The following VAV3 variants were observed in gnomAD, a reference collection of about 807,000 sequenced individuals.
The protein encoded by VAV3 is guanine nucleotide exchange factor VAV3.
VAV3 carries 94 observed loss-of-function variants against 131.2 expected under a neutral mutation model. The ratio of observed to expected loss-of-function variants is 0.72; its 90% CI spans 0.61 to 0.85. VAV3 has a LOEUF of 0.85. Ranked by LOEUF, VAV3 falls within the 40% of genes least tolerant of loss-of-function variation. The pLI is 0.00. For synonymous variants in VAV3, 349 were observed against 342.0 expected (o/e 1.02, Z -0.22); for missense variants, 939 against 1,002.7 (o/e 0.94, Z 0.86).
intron 21 of VAV3, among the ~76,000 whole-genome samples, chr1:107,610,440 A>G (rs1652642101): frequency 1.3e-5 from 2 of 152,090 alleles, no homozygotes; most frequent in African/African-American, 2.4e-5. Flanking sequence ...AGAAAATTAA[A>G]GTGAAAACAT....
intron 2 of VAV3, among the ~76,000 whole-genome samples, chr1:107,799,228 T>G (rs1409109768): frequency 1.3e-5 from 2 of 152,050 alleles, no homozygotes; most frequent in African/African-American, 4.8e-5. Context: ...TGGCATATAC[T>G]GAAAACTCAA....
chr1:107,937,477 T>C lies in VAV3; in HGVS notation c.204+27189A>G, dbSNP rs1011057340. The stretch of plus-strand genomic sequence containing the variant: ...CATGGTTTCTGGAGGACAAGAACCA[T>C]GTAATTCTTAAACTTACACCATTGG... On this transcript the variant is annotated intron_variant, in intron 1 of 26. Transcript: ENST00000370056. 6.6e-5 allele frequency among the ~76,000 whole-genome samples: 10 copies of C among 152,240 alleles called. 1 individual carries two copies. In the South Asian group the frequency reaches 1.2e-3, roughly 19 times the overall value.
intron 20 of VAV3, among the ~76,000 whole-genome samples, chr1:107,621,638 C>A (rs1361837693): frequency 2.6e-5 from 4 of 152,058 alleles, no homozygotes; most frequent in Admixed American, 2.6e-4. Flanking sequence ...GAATTTCCTT[C>A]TTCTTTACAT....
chr1:107,766,500 A>G lies in VAV3; in HGVS notation c.768T>C (p.Ile256=). 2 of 1,613,598 alleles carry G rather than the reference A, an allele frequency of 1.2e-6. No homozygotes were observed. The highest frequency in any genetic ancestry group is 1.7e-6 in the Non-Finnish European group (2 of 1,179,770). Residue 256 remains isoleucine, a synonymous_variant, in exon 8 of 27, where the codon ATT becomes ATC. Transcript: ENST00000370056. ...ACAAGTTCTGGTCATTTTTATTTAC[A>G]ATGGAATCATGAATCTCTTGCATTA... ...RNLMQEIHDS[I]VNKNDQNLYQ... is the part of the protein sequence containing the mutation.
At chr1:107,863,655 T>C (rs1669849736) in intron 2 of VAV3, among the ~76,000 whole-genome samples, 1 of 152,188 alleles carries the variant, frequency 6.6e-6, no homozygotes, top group African/African-American at 2.4e-5. Flanking sequence ...TAAATAACTT[T>C]CCCTCTACTT....
At chr1:107,920,436 C>T (rs1460516202) in intron 1 of VAV3, among the ~76,000 whole-genome samples, 2 of 152,178 alleles carry the variant, frequency 1.3e-5, no homozygotes, top group Non-Finnish European at 2.9e-5. Context: ...CAAACAAAAA[C>T]TTACGGGTGG....
At chr1:107,917,077 T>C (rs1285785163) in intron 1 of VAV3, among the ~76,000 whole-genome samples, 3 of 152,082 alleles carry the variant, frequency 2.0e-5, no homozygotes, top group Admixed American at 2.0e-4. Context: ...ACAGGCCTGA[T>C]CAAGCTGGGT....
intron 1 of VAV3, among the ~76,000 whole-genome samples, chr1:107,920,872 G>A (rs559175851): frequency 3.3e-5 from 5 of 152,234 alleles, no homozygotes; most frequent in Admixed American, 6.5e-5. Flanking sequence ...TAAGCTAGCT[G>A]AGAACAGACA....
intron 22 of VAV3, among the ~76,000 whole-genome samples, chr1:107,604,020 C>T (rs1166846092): frequency 6.9e-6 from 1 of 145,790 alleles, no homozygotes; most frequent in Non-Finnish European, 1.5e-5. Context: ...ACAGAAACTC[C>T]ATAATAACTG....
intron 22 of VAV3, among the ~76,000 whole-genome samples, chr1:107,608,054 A>T (rs1217668253): frequency 7.4e-6 from 1 of 134,950 alleles, no homozygotes; most frequent in Non-Finnish European, 1.7e-5. Flanking sequence ...GCTCAAGAAA[A>T]AAAGAAAAGT....
intron 2 of VAV3, among the ~76,000 whole-genome samples, chr1:107,781,639 T>G (rs1030150331): frequency 1.3e-5 from 2 of 152,282 alleles, no homozygotes; most frequent in African/African-American, 2.4e-5. Flanking sequence ...GGTGACTAGA[T>G]GAGCTAATTT....
At chr1:107,852,005 T>C (rs909314716) in intron 2 of VAV3, among the ~76,000 whole-genome samples, 2 of 152,114 alleles carry the variant, frequency 1.3e-5, no homozygotes, top group Non-Finnish European at 2.9e-5. Context: ...GTAATCCTCA[T>C]TGAGGCAGAA....
intron 1 of VAV3, among the ~76,000 whole-genome samples, chr1:107,950,632 C>T (rs781477933): frequency 2.0e-5 from 3 of 152,158 alleles, no homozygotes; most frequent in Admixed American, 6.5e-5. Context: ...CTGCTGCTCA[C>T]GGGCAAGGGC....
chr1:107,736,167 C>T (rs1390070761), intron 15 of VAV3, among the ~76,000 whole-genome samples: 3 of 152,146 alleles, frequency 2.0e-5, no homozygotes, highest in Admixed American at 2.0e-4. Context: ...GTCCTTCATA[C>T]TGAAAACTCT....
intron 22 of VAV3, among the ~76,000 whole-genome samples, chr1:107,604,235 G>A (rs970948661): frequency 1.3e-5 from 2 of 151,976 alleles, no homozygotes; most frequent in Non-Finnish European, 2.9e-5. Flanking sequence ...ATAGACCCAC[G>A]TAACTTTGTA....
chr1:107,656,769 C>T (rs1242403151), intron 19 of VAV3, among the ~76,000 whole-genome samples: 4 of 151,932 alleles, frequency 2.6e-5, no homozygotes, highest in Non-Finnish European at 5.9e-5. Flanking sequence ...GGAAATTATC[C>T]TAGCTCTCTG....
At chr1:107,866,066 C>A (rs1477038895) in intron 2 of VAV3, among the ~76,000 whole-genome samples, 1 of 152,052 alleles carries the variant, frequency 6.6e-6, no homozygotes, top group African/African-American at 2.4e-5. Context: ...TGCAGGCAAC[C>A]CACCCTAAAG....
chr1:107,928,107 C>A (rs1557929661), intron 1 of VAV3, among the ~76,000 whole-genome samples: 1 of 152,184 alleles, frequency 6.6e-6, no homozygotes, highest in Non-Finnish European at 1.5e-5. Context: ...GGGAAGAGAA[C>A]AAAAGCCTCA....
At chr1:107,690,590 T>C (rs1659363737) in intron 17 of VAV3, among the ~76,000 whole-genome samples, 1 of 152,166 alleles carries the variant, frequency 6.6e-6, no homozygotes. Context: ...CCCTCCTTTA[T>C]TTCCTCCCTT....
Sources: gnomAD v4.1 joint callset for allele counts (sites outside exome capture counted in the v4.1 genomes callset) on GRCh38, gnomAD v4.1.1 for gene constraint, MANE v1.5 for transcripts, NCBI Gene and HGNC (gene_info 2026-07-23, HGNC 2026-07-21) for gene names.